The following RNF149 variants were observed in gnomAD, a reference collection of about 807,000 sequenced individuals.
RNF149 encodes E3 ubiquitin-protein ligase RNF149.
A neutral mutation model predicts 39.0 loss-of-function variants in RNF149; 21 were observed. The ratio of observed to expected loss-of-function variants is 0.54; its 90% CI spans 0.38 to 0.77. RNF149 has a LOEUF of 0.77. RNF149 is among the 30% of genes least tolerant of loss of function. The pLI is 0.00. For synonymous variants in RNF149, 209 were observed against 213.6 expected (o/e 0.98, Z 0.19); for missense variants, 493 against 534.9 (o/e 0.92, Z 0.77).
intron 3 of RNF149, among the ~76,000 whole-genome samples, chr2:101,291,270 C>A (rs1294623199): frequency 3.9e-5 from 6 of 152,030 alleles, no homozygotes; most frequent in Non-Finnish European, 7.4e-5. Context: ...CCTGCCTCAG[C>A]CTCCTGAGTT....
intron 1 of RNF149, among the ~76,000 whole-genome samples, chr2:101,307,288 T>G (rs1425536437): frequency 2.0e-5 from 3 of 152,190 alleles, no homozygotes; most frequent in Non-Finnish European, 2.9e-5. Flanking sequence ...GCTCAAGTGA[T>G]TCTCCCATCT....
intron 3 of RNF149, among the ~76,000 whole-genome samples, chr2:101,291,940 A>G (rs1683028278): frequency 6.6e-6 from 1 of 152,238 alleles, no homozygotes; most frequent in Admixed American, 6.5e-5. Flanking sequence ...TGTAAGTTGA[A>G]AATAACATTA....
At chr2:101,298,462 T>C (rs557523182) in intron 1 of RNF149, among the ~76,000 whole-genome samples, 10 of 152,106 alleles carry the variant, frequency 6.6e-5, no homozygotes, top group East Asian at 3.9e-4. Context: ...ATAAAAAAGA[T>C]TTATTGCCAA....
rs200353893 is a variant in RNF149 at position 101,277,321 on chromosome 2, C to G, written c.1160-40G>C. On this transcript the variant is annotated intron_variant, in intron 6 of 6. Coordinates refer to ENST00000295317, the MANE Select transcript of RNF149 (RefSeq NM_173647.4). Reference sequence around the variant, plus strand: ...CATAAGCTACTCCATCAGAAGAGGGCAGCATATTCCGAGCTTCAACTATGC... The same window carrying G: ...CATAAGCTACTCCATCAGAAGAGGGGAGCATATTCCGAGCTTCAACTATGC... 55 of 1,581,132 alleles carry G rather than the reference C, an allele frequency of 3.5e-5. 1 individual carries two copies. The Middle Eastern group carries it at 6.8e-4, about 19-fold the overall frequency.
intron 3 of RNF149, among the ~76,000 whole-genome samples, chr2:101,291,278 G>A (rs1214323020): frequency 6.6e-6 from 1 of 152,032 alleles, no homozygotes; most frequent in Non-Finnish European, 1.5e-5. Flanking sequence ...AGCCTCCTGA[G>A]TTGCTAGGAC....
At chr2:101,273,313 G>A (rs1384719465), downstream of RNF149, 1 of 472,172 alleles carries the variant, frequency 2.1e-6, no homozygotes, top group African/African-American at 2.0e-5. Context: ...GTTAAATACT[G>A]GTCCACATGA....
chr2:101,281,969 T>C lies in RNF149; in HGVS notation c.1049A>G (p.Asp350Gly), dbSNP rs1409652129. Residue 350 changes from aspartate to glycine, a missense_variant, in exon 6 of 7, where the codon GAT (aspartate) becomes GGT (glycine). Coordinates refer to ENST00000295317, the MANE Select transcript of RNF149 (RefSeq NM_173647.4). Reference protein sequence around the residue: ...PAANLSLALPDDDGSDDSSPP... With the variant: ...PAANLSLALPGDDGSDDSSPP... ...ACTGCTGTCATCACTTCCGTCATCA[T>C]CTGGTAAAGCTAGACTCAAATTTGC... The C allele has an allele frequency of 4.3e-6, 7 of 1,613,956 alleles. No individual in the cohort carries two copies. Among genetic ancestry groups the C allele is most frequent in the Non-Finnish European group, 5.9e-6 (7 of 1,180,018 alleles).
chr2:101,287,645 C>T (rs17020684), intron 4 of RNF149, among the ~76,000 whole-genome samples: 21,964 of 152,210 alleles, frequency 0.14, 2,051 homozygotes, highest in South Asian at 0.3. Context: ...TTCTACATGA[C>T]ATGATCAACT....
At position 101,286,144 on chromosome 2, in the gene RNF149, C is replaced by T. The variant is rs1461508883; in HGVS notation, c.897G>A (p.Trp299Ter). 6.2e-7 allele frequency: 1 copy of T among 1,610,106 alleles called. No individual in the cohort carries two copies. The highest frequency in any genetic ancestry group is 8.5e-7 in the Non-Finnish European group (1 of 1,176,742). The part of the protein sequence containing the change: ...HIFHRICIDP[W>*]LLDHRTCPMC... ...TTGGACATGTTCGGTGATCCAAAAG[C>T]CATGGGTCAATGCATATTCTATGAA... The change falls in exon 5 of 7, where the codon TGG (tryptophan) becomes TGA (stop). Residue 299 changes from tryptophan to a stop codon, truncating the protein, a stop_gained. Coordinates refer to ENST00000295317, the MANE Select transcript of RNF149 (RefSeq NM_173647.4). LOFTEE classifies it high-confidence loss of function.
chr2:101,293,811 G>A (rs1210044552), intron 3 of RNF149, among the ~76,000 whole-genome samples: 2 of 152,204 alleles, frequency 1.3e-5, no homozygotes, highest in Non-Finnish European at 2.9e-5. Flanking sequence ...TGCTTGAAGT[G>A]TCACCAGTGA....
intron 4 of RNF149, 153 bp from the exon 5 acceptor site, chr2:101,286,330 C>G (rs1682791111): frequency 2.0e-6 from 1 of 499,000 alleles, no homozygotes; most frequent in South Asian, 3.4e-5. Context: ...TCATTATTCT[C>G]TCTTCCATAT....
chr2:101,294,954 T>C lies in RNF149; in HGVS notation c.688A>G (p.Thr230Ala), dbSNP rs998403258. 1 of 1,613,484 alleles carries C rather than the reference T, an allele frequency of 6.2e-7. No homozygotes were observed. Among genetic ancestry groups the C allele is most frequent in the Non-Finnish European group, 8.5e-7 (1 of 1,179,582 alleles). Residue 230 changes from threonine (T) to alanine (A), a missense_variant, in exon 2 of 7, where the codon ACT becomes GCT. By Grantham distance (58) the Thr-to-Ala change is moderately conservative (BLOSUM62 0). Transcript: ENST00000295317. ...IFYYIQRFLY[T>A]GSQIGSQSHR... is the part of the protein sequence containing the mutation. ...ACCTGACTTCCAATCTGAGAGCCAG[T>C]ATATAGGAAACGCTGTATATAGTAA...
At chr2:101,307,786 G>C in intron 1 of RNF149, 2 of 983,396 alleles carry the variant, frequency 2.0e-6, no homozygotes, top group Non-Finnish European at 2.4e-6. Context: ...CTCCGACTTT[G>C]GGAAGCGGTG....
At chr2:101,295,308 A>G (rs1683181210) in intron 1 of RNF149, 127 bp from the exon 2 acceptor site, 10 of 776,212 alleles carry the variant, frequency 1.3e-5, no homozygotes, top group South Asian at 9.7e-5. Context: ...CATGGGAAAC[A>G]TAAGTTACCA....
chr2:101,306,912 G>A (rs560117466), intron 1 of RNF149, among the ~76,000 whole-genome samples: 46 of 152,320 alleles, frequency 3.0e-4, no homozygotes, highest in Non-Finnish European at 5.1e-4. Context: ...GAAAAAGAAT[G>A]TCTGACTTAG....
rs950283884 is a variant in RNF149, at chr2:101,277,007, C to T, written c.*231G>A. The T allele has an allele frequency of 2.9e-5, 36 of 1,257,988 alleles. No homozygotes were observed. Among genetic ancestry groups the T allele is most frequent in the African/African-American group, 4.6e-5 (3 of 64,996 alleles). The allele number at this position is 1,257,988 out of a possible 1,614,324, so 77.9% of individuals were successfully genotyped here. A position where few individuals can be genotyped will look rare whatever the true frequency, so the allele number is the denominator to read the frequency against. On this transcript the variant is annotated 3_prime_UTR_variant, in exon 7 of 7. Coordinates refer to ENST00000295317, the MANE Select transcript of RNF149 (RefSeq NM_173647.4). ...TTGTCTTTGTAATAGTCTGAAGCAA[C>T]ACACTGTTCATGGTAAACACTCTAT...
chr2:101,273,057 G>A (rs750553173), downstream of RNF149: 2 of 1,356,808 alleles, frequency 1.5e-6, no homozygotes, highest in South Asian at 1.1e-5. Flanking sequence ...AGTAGCTGGA[G>A]GGAGCAGTCT....
At position 101,275,732 on chromosome 2, in the gene RNF149, C is replaced by T. The variant is rs1162830224; in HGVS notation, c.*1506G>A. 74 of 943,470 alleles carry T rather than the reference C, an allele frequency of 7.8e-5. No homozygotes were observed. Among genetic ancestry groups the T allele is most frequent in the Non-Finnish European group, 9.1e-5 (72 of 792,016 alleles). The allele number at this position is 943,470 out of a possible 1,614,324, so 58.4% of individuals were successfully genotyped here. A position where few individuals can be genotyped will look rare whatever the true frequency, so the allele number is the denominator to read the frequency against. ...CTGGGATTACAGGCGTGAGCCACCG[C>T]GCCCGGCCCTCCTAGTATTTCTTAA... On this transcript the variant is annotated 3_prime_UTR_variant, in exon 7 of 7. Transcript: ENST00000295317.
At chr2:101,271,678 C>T (rs758668844), downstream of RNF149, 9 of 151,796 alleles carry the variant, frequency 5.9e-5, no homozygotes, top group Admixed American at 2.6e-4. Flanking sequence ...TCAACTGTCA[C>T]GTTAAGATGC....
Sources: gnomAD v4.1 joint callset for allele counts (sites outside exome capture counted in the v4.1 genomes callset) on GRCh38, gnomAD v4.1.1 for gene constraint, MANE v1.5 for transcripts, NCBI Gene and HGNC (gene_info 2026-07-23, HGNC 2026-07-21) for gene names.